SLC44A5: variants seen among roughly 807,000 people sequenced by gnomAD.
SLC44A5 encodes the protein choline transporter-like protein 5.
Under a neutral mutation model 101.8 loss-of-function variants are expected in SLC44A5, and 57 were observed. The ratio of observed to expected loss-of-function variants is 0.56; its 90% CI spans 0.45 to 0.70. SLC44A5 has a LOEUF of 0.70. SLC44A5 is among the 30% of genes least tolerant of loss of function. The probability of loss-of-function intolerance (pLI) is 0.00; values close to 1 mark genes in which losing one functional copy is unlikely to be tolerated. For missense variants in SLC44A5, 737 were observed against 853.1 expected (o/e 0.86, Z 1.70); for synonymous variants, 281 against 290.9 (o/e 0.97, Z 0.35).
At chr1:75,303,983 T>A (rs941405953) in intron 4 of SLC44A5, among the ~76,000 whole-genome samples, 1 of 152,128 alleles carries the variant, frequency 6.6e-6, no homozygotes, top group Non-Finnish European at 1.5e-5. Context: ...CAGTAGAAGA[T>A]CTAATTACAT....
At chr1:75,219,658 G>A (rs570381243) in intron 15 of SLC44A5, 142 bp downstream of exon 15, 25 of 630,022 alleles carry the variant, frequency 4.0e-5, no homozygotes, top group South Asian at 2.3e-4. Flanking sequence ...AGATTGAAAC[G>A]TTTTTAGAGC....
intron 3 of SLC44A5, among the ~76,000 whole-genome samples, chr1:75,374,241 A>G (rs989334261): frequency 2.0e-5 from 3 of 152,140 alleles, no homozygotes; most frequent in African/African-American, 7.2e-5. Context: ...CACAGTCAAC[A>G]CACAAGCTGA....
At chr1:75,538,660 A>G (rs1671185240) in intron 2 of SLC44A5, among the ~76,000 whole-genome samples, 1 of 152,224 alleles carries the variant, frequency 6.6e-6, no homozygotes, top group South Asian at 2.1e-4. Flanking sequence ...AATTTCAGCT[A>G]AAGTAGAAAG....
rs1290883383 is a variant in SLC44A5 at position 75,508,154 on chromosome 1, AC to A, written c.13+33280del. Among the ~76,000 whole-genome samples, 4 of 152,166 alleles carry A rather than the reference AC, an allele frequency of 2.6e-5. No individual in the cohort carries two copies. In the East Asian group the frequency reaches 5.8e-4, roughly 22 times the overall value. On this transcript the variant is annotated intron_variant, in intron 2 of 23. Coordinates refer to ENST00000370859, the MANE Select transcript of SLC44A5 (RefSeq NM_001130058.2). Reference sequence around the variant, plus strand: ...TCTCAATAAATTTAAAAAAAATCATACCAATCATACTCTTGGACCATAGTAG... The same window carrying A: ...TCTCAATAAATTTAAAAAAAATCATACAATCATACTCTTGGACCATAGTAG...
Position 75,362,883 on chromosome 1 carries a change from G to A in SLC44A5, c.53-23253C>T, listed in dbSNP as rs1025497695. Among the ~76,000 whole-genome samples the A allele has an allele frequency of 2.0e-5, 3 of 151,974 alleles. 1 individual carries two copies. The South Asian group carries it at 6.2e-4, about 31-fold the overall frequency. On this transcript the variant is annotated intron_variant, in intron 3 of 23. Transcript: ENST00000370859. ...ACAAGTCCAGTGTTTTCTTTTTGAT[G>A]TTCTATCTAGATGATTTGTCCATTG...
At chr1:75,241,404 T>A (rs2100602516) in intron 9 of SLC44A5, among the ~76,000 whole-genome samples, 1 of 152,040 alleles carries the variant, frequency 6.6e-6, no homozygotes, top group African/African-American at 2.4e-5. Context: ...CTTTTTAAAA[T>A]TTTTGTAGAG....
the SLC44A5 span, among the ~76,000 whole-genome samples, chr1:75,717,146 A>G: frequency 6.6e-6 from 1 of 152,102 alleles, no homozygotes. Flanking sequence ...ATGGCACTCA[A>G]GGTCATTATT....
intron 13 of SLC44A5, 21 bp from the exon 14 acceptor site, chr1:75,222,481 A>G (rs1231442217): frequency 4.8e-6 from 7 of 1,459,364 alleles, no homozygotes; most frequent in Non-Finnish European, 1.9e-6. Flanking sequence ...GAAAAAAAAA[A>G]TCAGTCTGTA....
At chr1:75,442,583 C>T (rs1373189671) in intron 2 of SLC44A5, among the ~76,000 whole-genome samples, 3 of 152,104 alleles carry the variant, frequency 2.0e-5, no homozygotes, top group Non-Finnish European at 4.4e-5. Flanking sequence ...TTCAAGTCAG[C>T]CATTACAAAA....
the SLC44A5 span, among the ~76,000 whole-genome samples, chr1:75,672,195 G>A: frequency 0.26 from 39,746 of 152,050 alleles, 6,457 homozygotes; most frequent in East Asian, 0.68. Context: ...GCTGAAAAAG[G>A]CAAGTACCAA....
intron 2 of SLC44A5, among the ~76,000 whole-genome samples, chr1:75,412,620 C>T (rs1039435553): frequency 1.3e-5 from 2 of 152,198 alleles, no homozygotes; most frequent in South Asian, 2.1e-4. Flanking sequence ...CCTCTCTCAT[C>T]CACAGTTTTG....
At chr1:75,309,057 T>A (rs1036656996) in intron 4 of SLC44A5, among the ~76,000 whole-genome samples, 1 of 152,198 alleles carries the variant, frequency 6.6e-6, no homozygotes, top group African/African-American at 2.4e-5. Flanking sequence ...ATTATAGATG[T>A]AGTAAAAATT....
chr1:75,312,542 T>C lies in SLC44A5; in HGVS notation c.102-11857A>G, dbSNP rs138533267. Among the ~76,000 whole-genome samples, 29 of 152,242 alleles carry C rather than the reference T, an allele frequency of 1.9e-4. No individual in the cohort carries two copies. The East Asian group carries it at 5.6e-3, about 29-fold the overall frequency. ...GGTGTTACAGAAGCGAGTTTGGTTCTTTCCTGTCCTTCTTCTGTGGCATAT... is the reference window on the plus strand; with the variant it reads ...GGTGTTACAGAAGCGAGTTTGGTTCCTTCCTGTCCTTCTTCTGTGGCATAT... On this transcript the variant is annotated intron_variant, in intron 4 of 23. Transcript: ENST00000370859.
intron 2 of SLC44A5, among the ~76,000 whole-genome samples, chr1:75,458,260 A>G (rs1666299147): frequency 6.6e-6 from 1 of 152,170 alleles, no homozygotes; most frequent in African/African-American, 2.4e-5. Flanking sequence ...TCTCACCCAA[A>G]CATAAGTAGT....
the SLC44A5 span, among the ~76,000 whole-genome samples, chr1:75,697,787 G>A: frequency 1.3e-5 from 2 of 152,170 alleles, no homozygotes; most frequent in Non-Finnish European, 2.9e-5. Context: ...GCAGGTCAGT[G>A]GGTGCATGCA....
chr1:75,302,104 G>GTTTT (rs1204998592), intron 4 of SLC44A5, among the ~76,000 whole-genome samples: 1,194 of 49,288 alleles, frequency 0.024, 74 homozygotes, highest in Non-Finnish European at 0.031. Flanking sequence ...AGGTGCTCTA[G>GTTTT]TTTTTTTGTT....
the SLC44A5 span, among the ~76,000 whole-genome samples, chr1:75,664,109 C>T: frequency 5.2e-5 from 6 of 114,610 alleles, no homozygotes; most frequent in Non-Finnish European, 1.1e-4. Context: ...ATCCAACATC[C>T]CTTCATGATA....
rs531227716 is a variant in SLC44A5 at position 75,425,339 on chromosome 1, T to G, written c.14-28718A>C. On this transcript the variant is annotated intron_variant, in intron 2 of 23. Transcript: ENST00000370859. ...AACTGAGTGATAAAAGATTTATGAA[T>G]AGTAAAGAGCTTTGTAAAATGGAAC... Among the ~76,000 whole-genome samples, 15 of 152,294 alleles carry G rather than the reference T, an allele frequency of 9.8e-5. No homozygotes were observed. In the East Asian group the frequency reaches 2.3e-3, roughly 24 times the overall value.
chr1:75,583,441 T>C (rs211678), intron 1 of SLC44A5, among the ~76,000 whole-genome samples: 130,671 of 152,098 alleles, frequency 0.86, 56,591 homozygotes, highest in Admixed American at 0.91. Context: ...ATCACCTGCA[T>C]CCCTCAGCTT....
Sources: gnomAD v4.1 joint callset for allele counts (sites outside exome capture counted in the v4.1 genomes callset) on GRCh38, gnomAD v4.1.1 for gene constraint, MANE v1.5 for transcripts, NCBI Gene and HGNC (gene_info 2026-07-23, HGNC 2026-07-21) for gene names.